The following ANKRD27 variants were observed in gnomAD, a reference collection of about 807,000 sequenced individuals.
ANKRD27 encodes the protein ankyrin repeat domain-containing protein 27.
Under a neutral mutation model 129.7 loss-of-function variants are expected in ANKRD27, and 112 were observed. That is an observed-to-expected ratio of 0.86 (90% confidence interval 0.74 to 1.01). ANKRD27 has a LOEUF of 1.01. Among genes scored for constraint, ANKRD27 ranks in the 50% least tolerant of loss-of-function variants. The pLI is 0.00. For missense variants in ANKRD27, 1,258 were observed against 1,300.5 expected, an observed-to-expected ratio of 0.97 and a Z score of 0.50; for synonymous variants, 516 against 511.2, an observed-to-expected ratio of 1.01 and a Z score of -0.13.
chr19:32,600,079 A>T, intron 26 of ANKRD27, 29 bp from the exon 27 acceptor site: 1 of 1,457,504 alleles, frequency 6.9e-7, no homozygotes, highest in Non-Finnish European at 9.6e-7. Context: ...ACATCTAAAA[A>T]CTTCAAAAAC....
At chr19:32,604,011 G>T (rs960257433) in intron 25 of ANKRD27, among the ~76,000 whole-genome samples, 6 of 152,082 alleles carry the variant, frequency 3.9e-5, no homozygotes, top group Admixed American at 2.6e-4. Flanking sequence ...CTGAGGGGGG[G>T]GCCCCTCCAC....
rs755312802 is a variant in ANKRD27, at chr19:32,640,431, G to A, written c.905-46C>T. 9 of 1,512,296 alleles carry A rather than the reference G, an allele frequency of 6.0e-6. No individual in the cohort carries two copies. In the African/African-American group the frequency reaches 6.9e-5, roughly 12 times the overall value. 93.7% of individuals were successfully genotyped at this position (1,512,296 alleles called of 1,614,324 possible). A position where few individuals can be genotyped will look rare whatever the true frequency, so the allele number is the denominator to read the frequency against. On this transcript the variant is annotated intron_variant, in intron 10 of 28. Transcript: ENST00000306065. Reference sequence around the variant, plus strand: ...TTCAATGCCATCATGAGATTCAAATGGACTGACAAGCATATCAACTCCCTA... The same window carrying A: ...TTCAATGCCATCATGAGATTCAAATAGACTGACAAGCATATCAACTCCCTA...
At chr19:32,656,112 G>GAAAAGAAAAGAAAAGAAAA (rs1967529546) in intron 2 of ANKRD27, among the ~76,000 whole-genome samples, 2 of 111,158 alleles carry the variant, frequency 1.8e-5, no homozygotes, top group African/African-American at 7.1e-5. Flanking sequence ...AGAAAGAAAA[G>GAAAAGAAAAGAAAAGAAAA]AAAAGAAAAG....
intron 22 of ANKRD27, among the ~76,000 whole-genome samples, chr19:32,614,540 C>T (rs12971488): frequency 0.019 from 2,832 of 152,036 alleles, 35 homozygotes; most frequent in Non-Finnish European, 0.029. Context: ...CCTGTCTCCA[C>T]TAAAAATACA....
chr19:32,655,315 A>C (rs1298284459), intron 2 of ANKRD27: 1 of 152,438 alleles, frequency 6.6e-6, no homozygotes, highest in East Asian at 1.9e-4. Context: ...TGGCAACCTC[A>C]CTGATTCAAG....
intron 22 of ANKRD27, among the ~76,000 whole-genome samples, chr19:32,610,809 A>G (rs1460937572): frequency 6.6e-6 from 1 of 151,666 alleles, no homozygotes; most frequent in Non-Finnish European, 1.5e-5. Flanking sequence ...AAAAAAAAGA[A>G]GTAATACATT....
intron 22 of ANKRD27, among the ~76,000 whole-genome samples, chr19:32,609,384 T>C (rs1971800207): frequency 6.6e-6 from 1 of 152,184 alleles, no homozygotes; most frequent in Non-Finnish European, 1.5e-5. Flanking sequence ...ATGTTCACAA[T>C]GGCTTTATTT....
At position 32,642,007 on chromosome 19, in the gene ANKRD27, C is replaced by T. The variant is rs1967210367; in HGVS notation, c.904+17G>A. ...GTAGCATCTACCCCTTGGCCAGTCCCCTTTCCAAGCACAAACCTCTCTGGC... is the reference window on the plus strand; with the variant it reads ...GTAGCATCTACCCCTTGGCCAGTCCTCTTTCCAAGCACAAACCTCTCTGGC... On this transcript the variant is annotated intron_variant, in intron 10 of 28. Transcript: ENST00000306065. 6.4e-7 allele frequency: 1 copy of T among 1,563,306 alleles called. No homozygotes were observed. Among genetic ancestry groups the T allele is most frequent in the Admixed American group, 1.9e-5 (1 of 54,036 alleles).
At chr19:32,607,144 TAA>T (rs34734065) in intron 23 of ANKRD27, among the ~76,000 whole-genome samples, 45,218 of 93,600 alleles carry the variant, frequency 0.48, 10,356 homozygotes, top group Non-Finnish European at 0.59. Flanking sequence ...GGTGATGTCT[TAA>T]AAAAAAAAAA....
intron 22 of ANKRD27, among the ~76,000 whole-genome samples, chr19:32,613,704 A>C (rs2545357): frequency 0.58 from 83,332 of 143,868 alleles, 25,539 homozygotes; most frequent in Non-Finnish European, 0.69. Context: ...ACATTTATGT[A>C]ACTTTTTTTT....
intron 15 of ANKRD27, among the ~76,000 whole-genome samples, chr19:32,627,314 C>T (rs561558416): frequency 1.4e-4 from 21 of 151,994 alleles, no homozygotes; most frequent in Non-Finnish European, 2.1e-4. Flanking sequence ...CAGGGATGGC[C>T]GGGGACTCTG....
intron 1 of ANKRD27, among the ~76,000 whole-genome samples, chr19:32,673,782 G>A (rs903326040): frequency 3.3e-5 from 5 of 152,042 alleles, no homozygotes; most frequent in African/African-American, 9.7e-5. Context: ...AGCAGGCCCC[G>A]GGGCTCAGTA....
At chr19:32,614,180 T>G (rs182269597) in intron 22 of ANKRD27, among the ~76,000 whole-genome samples, 5 of 152,142 alleles carry the variant, frequency 3.3e-5, no homozygotes, top group Non-Finnish European at 7.4e-5. Context: ...TGCTGCGTCT[T>G]GATGGTGGTG....
At position 32,622,609 on chromosome 19, in the gene ANKRD27, G is replaced by GCCTT; in HGVS notation, c.1636_1639dup (p.Ala547GlufsTer14). The GCCTT allele has an allele frequency of 6.2e-7, 1 of 1,613,592 alleles. No individual in the cohort carries two copies. On this transcript the variant is annotated frameshift_variant, in exon 18 of 29. Transcript: ENST00000306065. LOFTEE classifies it high-confidence loss of function. ...CGACTCCACGTCGTAGTAAACCAGA[G>GCCTT]CCTTCACACACTGCAAAGAGATGGG... is the stretch of plus-strand genomic sequence containing the variant.
chr19:32,655,638 T>C (rs954900971), intron 2 of ANKRD27, among the ~76,000 whole-genome samples: 3 of 152,178 alleles, frequency 2.0e-5, no homozygotes, highest in African/African-American at 7.2e-5. Context: ...CCCAGCACTT[T>C]GGGAGGCCAA....
intron 1 of ANKRD27, among the ~76,000 whole-genome samples, chr19:32,662,637 G>A (rs191159990): frequency 1.3e-5 from 2 of 152,186 alleles, no homozygotes; most frequent in Non-Finnish European, 2.9e-5. Context: ...AACTACTCGG[G>A]AGGCTGACAT....
At chr19:32,612,726 G>C (rs777088034) in intron 22 of ANKRD27, among the ~76,000 whole-genome samples, 1 of 152,164 alleles carries the variant, frequency 6.6e-6, no homozygotes. Flanking sequence ...TGGTGCTGGC[G>C]CAAGTGGACA....
At chr19:32,604,237 T>C in intron 25 of ANKRD27, 26 bp downstream of exon 25, 3 of 1,579,598 alleles carry the variant, frequency 1.9e-6, no homozygotes, top group Non-Finnish European at 2.6e-6. Flanking sequence ...CAGGATTCCC[T>C]CGGCTCTTCG....
At chr19:32,650,790 C>A (rs1375618590) in intron 2 of ANKRD27, among the ~76,000 whole-genome samples, 1 of 145,456 alleles carries the variant, frequency 6.9e-6, no homozygotes, top group Non-Finnish European at 1.5e-5. Flanking sequence ...TGCTCTCTCA[C>A]CGAGGCTGGA....
Sources: allele counts gnomAD v4.1 joint callset (sites outside exome capture counted in the v4.1 genomes callset), GRCh38; gene constraint gnomAD v4.1.1; transcripts MANE v1.5; gene names NCBI Gene and HGNC (gene_info 2026-07-23, HGNC 2026-07-21).